The following PRELID2 variants were observed in gnomAD, a reference collection of about 807,000 sequenced individuals.
The protein encoded by PRELID2 is PRELI domain-containing protein 2.
In PRELID2, 25 loss-of-function variants were observed where a neutral mutation model predicts 28.4. The ratio of observed to expected loss-of-function variants is 0.88; its 90% CI spans 0.64 to 1.23. The LOEUF (loss-of-function observed/expected upper bound fraction) is 1.23, where lower values mean the gene tolerates loss of function less well. PRELID2 is among the 50% of genes most tolerant of loss of function. PRELID2 has a pLI of 0.00. For missense variants in PRELID2, 201 were observed against 214.4 expected (o/e 0.94, Z 0.39); for synonymous variants, 76 against 71.6 (o/e 1.06, Z -0.31).
chr5:145,446,298 A>G, the PRELID2 span, among the ~76,000 whole-genome samples: 1 of 152,128 alleles, frequency 6.6e-6, no homozygotes, highest in East Asian at 1.9e-4. Context: ...ATTAACAAAT[A>G]AAATACATCT....
At chr5:145,588,165 C>G (rs959696987) in intron 1 of PRELID2, among the ~76,000 whole-genome samples, 9 of 152,136 alleles carry the variant, frequency 5.9e-5, no homozygotes, top group African/African-American at 2.2e-4. Context: ...TCCATTTCTA[C>G]CATTTATGGT....
intron 1 of PRELID2, among the ~76,000 whole-genome samples, chr5:145,730,049 G>A (rs1365643863): frequency 6.6e-6 from 1 of 152,132 alleles, no homozygotes; most frequent in East Asian, 1.9e-4. Context: ...AGGGCTAGAA[G>A]CAAGGAGCCA....
At chr5:145,376,375 T>C in the PRELID2 span, among the ~76,000 whole-genome samples, 9 of 152,152 alleles carry the variant, frequency 5.9e-5, no homozygotes, top group African/African-American at 2.2e-4. Context: ...GTTATGTCTT[T>C]GCCAGGTTTT....
At chr5:145,641,976 C>T (rs1028872278) in intron 1 of PRELID2, among the ~76,000 whole-genome samples, 28 of 152,100 alleles carry the variant, frequency 1.8e-4, no homozygotes, top group African/African-American at 6.8e-4. Flanking sequence ...AATATACATA[C>T]GTGTGCATGT....
the PRELID2 span, among the ~76,000 whole-genome samples, chr5:145,300,680 C>A: frequency 2.7e-5 from 4 of 149,106 alleles, no homozygotes; most frequent in African/African-American, 7.4e-5. Flanking sequence ...CTACTAAAAG[C>A]ACTTTAAGAT....
At chr5:145,817,199 ATAAATAAAT>A (rs1479186025) in intron 4 of PRELID2, among the ~76,000 whole-genome samples, 19 of 84,286 alleles carry the variant, frequency 2.3e-4, no homozygotes, top group African/African-American at 4.7e-4. Context: ...TCAAAAAAAA[ATAAATAAAT>A]AAATAAAAAA....
intron 1 of PRELID2, among the ~76,000 whole-genome samples, chr5:145,587,236 G>T (rs942397605): frequency 6.6e-6 from 1 of 152,188 alleles, no homozygotes; most frequent in African/African-American, 2.4e-5. Context: ...ATGCCATGGA[G>T]TTGGGAAAAA....
In PRELID2 at chr5:145,741,705, T is replaced by C. The variant is rs561156479; in HGVS notation, n.70+23226A>G. Among the ~76,000 whole-genome samples, 56 of 20,020 alleles carry C rather than the reference T, an allele frequency of 2.8e-3. 21 individuals are homozygous for C. The highest frequency in any genetic ancestry group is 5.3e-3 in the African/African-American group (56 of 10,638). The allele number at this position is 20,020 out of a possible 152,430, so 13.1% of individuals were successfully genotyped here. On this transcript the variant is annotated intron_variant and non_coding_transcript_variant, in intron 1 of 2. Transcript: ENST00000510259. ...AAATAATTTATTTATATATAAATAATTTATTTATATATAAATAAAATTTAT... is the reference window on the plus strand; with the variant it reads ...AAATAATTTATTTATATATAAATAACTTATTTATATATAAATAAAATTTAT...
Position 145,793,474 on chromosome 5 carries a change from G to A in PRELID2, c.474+2968C>T, listed in dbSNP as rs908334501. Among the ~76,000 whole-genome samples the A allele has an allele frequency of 2.0e-5, 3 of 152,186 alleles. No homozygotes were observed. The East Asian group carries it at 5.8e-4, about 29-fold the overall frequency. ...CTGTGAAGGTTTATCAGGAAGTCAG[G>A]CTGATACCAGAAAAAATGACCACTT... On this transcript the variant is annotated intron_variant, in intron 5 of 6. Transcript: ENST00000683046.
chr5:145,833,502 A>G (rs1755739165), intron 1 of PRELID2, among the ~76,000 whole-genome samples: 1 of 152,210 alleles, frequency 6.6e-6, no homozygotes, highest in Non-Finnish European at 1.5e-5. Flanking sequence ...CAGGTCTGTA[A>G]ATCATTCTTT....
At chr5:145,413,534 G>T in the PRELID2 span, among the ~76,000 whole-genome samples, 3 of 151,498 alleles carry the variant, frequency 2.0e-5, no homozygotes, top group Non-Finnish European at 4.4e-5. Flanking sequence ...TATGCATGTT[G>T]ATAGCAGCAC....
intron 1 of PRELID2, among the ~76,000 whole-genome samples, chr5:145,570,057 G>C (rs759397662): frequency 7.2e-5 from 11 of 152,084 alleles, no homozygotes; most frequent in Admixed American, 6.6e-4. Flanking sequence ...CTGGTTGTTC[G>C]CATTGGCATC....
chr5:145,407,686 T>C, the PRELID2 span, among the ~76,000 whole-genome samples: 4 of 152,284 alleles, frequency 2.6e-5, no homozygotes, highest in African/African-American at 9.6e-5. Flanking sequence ...CTCTTAGATG[T>C]AGGTCAACCA....
At chr5:145,302,679 G>A in the PRELID2 span, among the ~76,000 whole-genome samples, 1 of 151,794 alleles carries the variant, frequency 6.6e-6, no homozygotes, top group African/African-American at 2.4e-5. Context: ...AAAATTAAAT[G>A]TGATTAGTAT....
chr5:145,256,229 C>T, the PRELID2 span, among the ~76,000 whole-genome samples: 6 of 151,948 alleles, frequency 3.9e-5, no homozygotes, highest in South Asian at 4.1e-4. Context: ...AATCCAGTAA[C>T]GACTGAATCT....
the PRELID2 span, among the ~76,000 whole-genome samples, chr5:145,369,554 C>G: frequency 6.6e-6 from 1 of 152,052 alleles, no homozygotes; most frequent in Non-Finnish European, 1.5e-5. Context: ...CATGACTTTG[C>G]TATTGTAAAT....
chr5:145,606,992 T>C (rs1413728962), intron 1 of PRELID2, among the ~76,000 whole-genome samples: 1 of 152,170 alleles, frequency 6.6e-6, no homozygotes, highest in African/African-American at 2.4e-5. Context: ...ATTCCAGGAA[T>C]GTACCATTTC....
chr5:145,484,576 GC>G (rs761070589), intron 1 of PRELID2, among the ~76,000 whole-genome samples: 7 of 144,124 alleles, frequency 4.9e-5, no homozygotes, highest in Non-Finnish European at 1.1e-4. Context: ...AAAGGAGAAA[GC>G]ATTTCATTGG....
chr5:145,319,383 A>AC, the PRELID2 span, among the ~76,000 whole-genome samples: 1 of 152,152 alleles, frequency 6.6e-6, no homozygotes, highest in East Asian at 1.9e-4. Context: ...AAGTAATCCC[A>AC]CCAGGTTGGG....
Sources: allele counts gnomAD v4.1 joint callset (sites outside exome capture counted in the v4.1 genomes callset), GRCh38; gene constraint gnomAD v4.1.1; transcripts MANE v1.5; gene names NCBI Gene and HGNC (gene_info 2026-07-23, HGNC 2026-07-21).